Variants in DTNA observed in about 807,000 individuals in gnomAD.
DTNA encodes the protein dystrobrevin alpha.
DTNA carries 43 observed loss-of-function variants against 100.7 expected under a neutral mutation model. That is an observed-to-expected ratio of 0.43 (90% CI 0.33 to 0.55). The LOEUF (loss-of-function observed/expected upper bound fraction) is 0.55. Ranked by LOEUF, DTNA falls within the 20% of genes least tolerant of loss-of-function variation. The pLI is 0.04. For missense variants in DTNA, 798 were observed against 953.9 expected (o/e 0.84, Z 2.15); for synonymous variants, 349 against 347.9 (o/e 1.00, Z -0.04).
intron 1 of DTNA, among the ~76,000 whole-genome samples, chr18:34,689,971 C>T (rs2079511078): frequency 6.6e-6 from 1 of 152,180 alleles, no homozygotes; most frequent in Non-Finnish European, 1.5e-5. Flanking sequence ...ACTCAAGCCT[C>T]AGTAATGGTG....
At chr18:34,805,090 T>G (rs1216342531) in intron 4 of DTNA, among the ~76,000 whole-genome samples, 2 of 152,212 alleles carry the variant, frequency 1.3e-5, no homozygotes, top group Non-Finnish European at 2.9e-5. Flanking sequence ...TTTTGACCAT[T>G]CTTAAGATTA....
At chr18:34,703,763 T>A (rs1487281228) in intron 1 of DTNA, among the ~76,000 whole-genome samples, 1 of 152,210 alleles carries the variant, frequency 6.6e-6, no homozygotes. Context: ...TAGATGGACC[T>A]TTTTTATTCA....
At chr18:34,851,147 A>C (rs1039857073) in intron 14 of DTNA, among the ~76,000 whole-genome samples, 12 of 152,222 alleles carry the variant, frequency 7.9e-5, no homozygotes, top group Non-Finnish European at 5.9e-5. Context: ...TCTGTCACCC[A>C]GGCTGGAATG....
At chr18:34,770,380 G>C (rs116805951) in intron 3 of DTNA, among the ~76,000 whole-genome samples, 1,901 of 152,242 alleles carry the variant, frequency 0.012, 48 homozygotes, top group African/African-American at 0.042. Flanking sequence ...TCTGCATACA[G>C]CACAGACTGT....
At chr18:34,676,576 T>C (rs769690180) in intron 1 of DTNA, among the ~76,000 whole-genome samples, 1 of 152,152 alleles carries the variant, frequency 6.6e-6, no homozygotes, top group Non-Finnish European at 1.5e-5. Flanking sequence ...GTTCAATGCC[T>C]GTAATCCCAG....
rs507645 is a variant in DTNA, at chr18:34,866,333, C to T, written c.1743+2271C>T. 0.13 allele frequency: 181,224 copies of T among 1,439,870 alleles called. 12,974 individuals are homozygous for T. The highest frequency in any genetic ancestry group is 0.3 in the African/African-American group (21,144 of 69,636). The allele number at this position is 1,439,870 out of a possible 1,614,324, so 89.2% of individuals were successfully genotyped here. On this transcript the variant is annotated intron_variant, in intron 17 of 22. Transcript: ENST00000444659. ...CATTTTTTATAACTATCACTACTATCCACATCAAAAGAAGAACTATGACAT... is the reference window on the plus strand; with the variant it reads ...CATTTTTTATAACTATCACTACTATTCACATCAAAAGAAGAACTATGACAT...
At chr18:34,611,274 A>G (rs912112247) in intron 1 of DTNA, among the ~76,000 whole-genome samples, 2 of 152,160 alleles carry the variant, frequency 1.3e-5, no homozygotes, top group Non-Finnish European at 2.9e-5. Flanking sequence ...TACATCTCTA[A>G]TACACCAAGG....
chr18:34,664,733 G>A (rs779228364), intron 1 of DTNA, among the ~76,000 whole-genome samples: 47 of 152,084 alleles, frequency 3.1e-4, no homozygotes, highest in Non-Finnish European at 2.6e-4. Flanking sequence ...AGCTTGCCAA[G>A]TAGCTTTGGG....
At chr18:34,771,997 C>T (rs2093799351) in intron 3 of DTNA, among the ~76,000 whole-genome samples, 1 of 151,248 alleles carries the variant, frequency 6.6e-6, no homozygotes, top group African/African-American at 2.4e-5. Context: ...CAATGAAATG[C>T]AGCCCTAAAA....
chr18:34,686,951 C>A (rs182469557), intron 1 of DTNA, among the ~76,000 whole-genome samples: 53 of 152,238 alleles, frequency 3.5e-4, no homozygotes, highest in African/African-American at 1.3e-3. Context: ...ATAGTATTCT[C>A]TGATTGTAGT....
intron 1 of DTNA, among the ~76,000 whole-genome samples, chr18:34,663,987 A>G (rs1029156094): frequency 1.7e-4 from 26 of 152,206 alleles, no homozygotes; most frequent in African/African-American, 5.5e-4. Flanking sequence ...AGTTTACTGT[A>G]ATAGATTATA....
intron 1 of DTNA, among the ~76,000 whole-genome samples, chr18:34,623,515 T>C (rs2056863041): frequency 6.6e-6 from 1 of 152,214 alleles, no homozygotes; most frequent in Non-Finnish European, 1.5e-5. Flanking sequence ...CCAATTAGTT[T>C]CAGGAGCTCA....
In DTNA at chr18:34,596,216, T is replaced by TTTTTG. The variant is rs113199571; in HGVS notation, c.-2+102722_-2+102726dup. On this transcript the variant is annotated intron_variant, in intron 1 of 19. Transcript: ENST00000283365. ...GCTGTTTTTTGTTTGGTTGGTTGGTTTTTTGTTTTGTTTTGTTTTGTTTTA... is the reference window on the plus strand; with the variant it reads ...GCTGTTTTTTGTTTGGTTGGTTGGTTTTTTGTTTTGTTTTGTTTTGTTTTGTTTTA... Among the ~76,000 whole-genome samples the TTTTTG allele has an allele frequency of 2.6e-3, 394 of 152,190 alleles. 4 individuals carry two copies. The highest frequency in any genetic ancestry group is 8.7e-3 in the African/African-American group (362 of 41,516).
chr18:34,674,899 T>C (rs1390784548), intron 1 of DTNA, among the ~76,000 whole-genome samples: 1 of 152,032 alleles, frequency 6.6e-6, no homozygotes, highest in Non-Finnish European at 1.5e-5. Flanking sequence ...CCAAGAGTGG[T>C]GTGGCAGCAC....
intron 1 of DTNA, among the ~76,000 whole-genome samples, chr18:34,617,586 T>C (rs1340205483): frequency 6.6e-6 from 1 of 152,152 alleles, no homozygotes; most frequent in Non-Finnish European, 1.5e-5. Flanking sequence ...TGACATTTTC[T>C]TTTTTGTTGC....
intron 1 of DTNA, among the ~76,000 whole-genome samples, chr18:34,617,014 A>T (rs76356830): frequency 1.3e-5 from 2 of 152,154 alleles, no homozygotes; most frequent in Non-Finnish European, 2.9e-5. Context: ...CATATCTAAT[A>T]TCTTTTGGGA....
intron 1 of DTNA, among the ~76,000 whole-genome samples, chr18:34,693,149 T>G (rs1370643383): frequency 1.3e-5 from 2 of 152,220 alleles, no homozygotes; most frequent in Non-Finnish European, 2.9e-5. Flanking sequence ...GCATTTATAC[T>G]TATAATGATC....
At chr18:34,771,306 T>C (rs1192676766) in intron 3 of DTNA, among the ~76,000 whole-genome samples, 1 of 152,050 alleles carries the variant, frequency 6.6e-6, no homozygotes. Context: ...GAGACCATCC[T>C]GGCTAACATG....
intron 1 of DTNA, among the ~76,000 whole-genome samples, chr18:34,533,373 A>G (rs78441964): frequency 5.9e-4 from 86 of 145,836 alleles, no homozygotes; most frequent in African/African-American, 2.0e-3. Context: ...CTCCATCTCA[A>G]AAAAAAAAAA....
Sources: gnomAD v4.1 joint callset for allele counts (sites outside exome capture counted in the v4.1 genomes callset) on GRCh38, gnomAD v4.1.1 for gene constraint, MANE v1.5 for transcripts, NCBI Gene and HGNC (gene_info 2026-07-23, HGNC 2026-07-21) for gene names.